Variants in DAB1 observed in about 807,000 individuals in gnomAD.
The protein encoded by DAB1 is disabled homolog 1.
DAB1 carries 15 observed loss-of-function variants against 64.6 expected under a neutral mutation model. The ratio of observed to expected loss-of-function variants is 0.23; its 90% CI spans 0.16 to 0.36. DAB1 has a LOEUF of 0.36. DAB1 is among the 10% of genes least tolerant of loss of function. The pLI is 1.00. For missense variants in DAB1, 596 were observed against 706.7 expected, an observed-to-expected ratio of 0.84 and a Z score of 1.78; for synonymous variants, 235 against 251.9, an observed-to-expected ratio of 0.93 and a Z score of 0.64.
intron 3 of DAB1, among the ~76,000 whole-genome samples, chr1:58,451,505 T>C (rs982474392): frequency 3.9e-5 from 6 of 152,256 alleles, no homozygotes; most frequent in African/African-American, 1.4e-4. Flanking sequence ...ATTTGGTTAA[T>C]AGTATTGTGC....
At chr1:57,631,857 A>G (rs1645993325) in intron 7 of DAB1, among the ~76,000 whole-genome samples, 1 of 152,164 alleles carries the variant, frequency 6.6e-6, no homozygotes, top group South Asian at 2.1e-4. Context: ...GGCAAAGAAG[A>G]CTGGCTTTTT....
At chr1:58,460,397 G>A (rs571337377) in intron 3 of DAB1, among the ~76,000 whole-genome samples, 1 of 152,122 alleles carries the variant, frequency 6.6e-6, no homozygotes. Flanking sequence ...TCTAATTGGG[G>A]TGTTGTGTTT....
At chr1:57,038,887 C>T (rs911876411) in intron 9 of DAB1, among the ~76,000 whole-genome samples, 4 of 152,140 alleles carry the variant, frequency 2.6e-5, no homozygotes, top group Non-Finnish European at 5.9e-5. Context: ...TTGCAAGAAA[C>T]GCAGAACCCA....
chr1:57,146,201 A>G (rs561313122), intron 2 of DAB1, among the ~76,000 whole-genome samples: 1 of 152,348 alleles, frequency 6.6e-6, no homozygotes, highest in African/African-American at 2.4e-5. Flanking sequence ...ACTCTTCACA[A>G]CAAGCAAACC....
chr1:58,368,778 G>C lies in DAB1; in HGVS notation n.258-25375C>G, dbSNP rs77872606. Among the ~76,000 whole-genome samples, 1,014 of 152,206 alleles carry C rather than the reference G, an allele frequency of 6.7e-3. 13 individuals are homozygous for C. The highest frequency in any genetic ancestry group is 0.023 in the African/African-American group (944 of 41,522). On this transcript the variant is annotated intron_variant and non_coding_transcript_variant, in intron 3 of 20. Coordinates refer to the DAB1 transcript ENST00000485760. Reference sequence around the variant, plus strand: ...TGTCTCATGGTTCTCTGGGGCCACTGGAAACTTCTCTGTCCACACATGGGA... The same window carrying C: ...TGTCTCATGGTTCTCTGGGGCCACTCGAAACTTCTCTGTCCACACATGGGA...
intron 1 of DAB1, among the ~76,000 whole-genome samples, chr1:57,353,397 ACCT>A (rs1370952232): frequency 6.6e-6 from 1 of 151,702 alleles, no homozygotes. Context: ...TAGTCCATCC[ACCT>A]CCTTTCTGGA....
At chr1:57,012,290 T>C (rs1469641458) in intron 12 of DAB1, among the ~76,000 whole-genome samples, 8 of 152,246 alleles carry the variant, frequency 5.3e-5, no homozygotes, top group Admixed American at 5.2e-4. Flanking sequence ...TAACTTATTA[T>C]TTATAATGTG....
chr1:57,476,234 A>AAAAAAAC (rs1430754481), intron 7 of DAB1, among the ~76,000 whole-genome samples: 2 of 151,788 alleles, frequency 1.3e-5, no homozygotes, highest in African/African-American at 4.8e-5. Context: ...TTCAAAAAAA[A>AAAAAAAC]AAAAAACAAA....
At chr1:57,293,441 T>C (rs1463490692) in intron 1 of DAB1, among the ~76,000 whole-genome samples, 7 of 152,186 alleles carry the variant, frequency 4.6e-5, no homozygotes, top group Admixed American at 3.3e-4. Context: ...GGGATAATAG[T>C]GCCCACTGGG....
At chr1:57,296,155 G>C (rs137940654) in intron 1 of DAB1, among the ~76,000 whole-genome samples, 116 of 152,242 alleles carry the variant, frequency 7.6e-4, no homozygotes, top group Non-Finnish European at 1.4e-3. Flanking sequence ...TGCAGATATT[G>C]TTGGGAGCCA....
At chr1:57,594,773 C>T (rs892570096) in intron 7 of DAB1, among the ~76,000 whole-genome samples, 1 of 152,110 alleles carries the variant, frequency 6.6e-6, no homozygotes, top group Non-Finnish European at 1.5e-5. Flanking sequence ...TGCAGTGGCG[C>T]CATCTCGGCT....
intron 4 of DAB1, among the ~76,000 whole-genome samples, chr1:58,170,986 G>T (rs147451979): frequency 0.012 from 1,750 of 151,310 alleles, 35 homozygotes; most frequent in African/African-American, 0.041. Context: ...TGTCCTCAAG[G>T]TCCGTTACCA....
intron 1 of DAB1, among the ~76,000 whole-genome samples, chr1:57,327,887 G>T (rs1409384581): frequency 1.3e-5 from 2 of 152,118 alleles, no homozygotes; most frequent in African/African-American, 4.8e-5. Context: ...ATGGAGATAT[G>T]ATTGACCTGA....
chr1:57,026,110 C>T, intron 9 of DAB1, 67 bp from the exon 10 acceptor site: 1 of 1,176,220 alleles, frequency 8.5e-7, no homozygotes, highest in Non-Finnish European at 1.3e-6. Context: ...CTGCTTTACA[C>T]ACAGTATGGT....
intron 6 of DAB1, among the ~76,000 whole-genome samples, chr1:57,735,190 T>C (rs72664611): frequency 0.047 from 7,162 of 152,172 alleles, 252 homozygotes; most frequent in Non-Finnish European, 0.07. Flanking sequence ...GAAGTGAGAC[T>C]AGGTGAAGAA....
intron 2 of DAB1, among the ~76,000 whole-genome samples, chr1:57,172,519 T>C (rs1661879185): frequency 2.0e-5 from 3 of 152,062 alleles, no homozygotes; most frequent in Non-Finnish European, 4.4e-5. Flanking sequence ...GGAAAAGAGG[T>C]TTATTTGGCT....
At chr1:57,778,719 A>G in intron 6 of DAB1, among the ~76,000 whole-genome samples, 1 of 152,082 alleles carries the variant, frequency 6.6e-6, no homozygotes, top group East Asian at 1.9e-4. Context: ...TCTTACATCA[A>G]TTTACCCATT....
At chr1:58,422,199 A>T (rs768815027) in intron 3 of DAB1, among the ~76,000 whole-genome samples, 20 of 151,978 alleles carry the variant, frequency 1.3e-4, no homozygotes, top group Non-Finnish European at 2.4e-4. Context: ...GAGTTAATAT[A>T]ATATCACGCC....
chr1:58,139,776 C>T (rs1303079565), intron 5 of DAB1, among the ~76,000 whole-genome samples: 2 of 152,108 alleles, frequency 1.3e-5, no homozygotes, highest in Non-Finnish European at 2.9e-5. Context: ...AGATGTGTGG[C>T]CTTGGGCAAA....
Sources: allele counts gnomAD v4.1 joint callset (sites outside exome capture counted in the v4.1 genomes callset), GRCh38; gene constraint gnomAD v4.1.1; transcripts MANE v1.5; gene names NCBI Gene and HGNC (gene_info 2026-07-23, HGNC 2026-07-21).